RBM39: variants seen among roughly 807,000 people sequenced by gnomAD.
The protein encoded by RBM39 is RNA binding motif protein 39, also known as RNA-binding protein 39.
In RBM39, 12 loss-of-function variants were observed where a neutral mutation model predicts 79.6. The observed-to-expected ratio is 0.15, with a 90% CI of 0.10 to 0.24. The LOEUF (loss-of-function observed/expected upper bound fraction) is 0.24, where lower values mean the gene tolerates loss of function less well. Ranked by LOEUF, RBM39 falls within the 10% of genes least tolerant of loss-of-function variation. The pLI is 1.00. For missense variants in RBM39, 243 were observed against 653.4 expected (o/e 0.37, Z 6.85); for synonymous variants, 185 against 208.4 (o/e 0.89, Z 0.97).
intron 13 of RBM39, chr20:35,707,791 A>T (rs961979479): frequency 2.4e-5 from 8 of 328,238 alleles, no homozygotes; most frequent in Non-Finnish European, 5.0e-5. Flanking sequence ...ACAATAAAAG[A>T]ACACTGAAAA....
At chr20:35,736,013 C>A (rs571835863) in intron 3 of RBM39, among the ~76,000 whole-genome samples, 1 of 152,248 alleles carries the variant, frequency 6.6e-6, no homozygotes, top group East Asian at 1.9e-4. Flanking sequence ...TGGCAAAAAG[C>A]GACATGAGAC....
chr20:35,718,170 C>T (rs1370342450), intron 9 of RBM39, among the ~76,000 whole-genome samples: 1 of 151,864 alleles, frequency 6.6e-6, no homozygotes, highest in Non-Finnish European at 1.5e-5. Context: ...AAGGAACGAA[C>T]TTTTAATGTT....
intron 1 of RBM39, 84 bp from the exon 2 acceptor site, chr20:35,740,971 T>C: frequency 2.4e-6 from 2 of 824,286 alleles, no homozygotes; most frequent in East Asian, 3.4e-5. Flanking sequence ...CTATATCGTC[T>C]AACATTTTCT....
intron 10 of RBM39, 74 bp from the exon 11 acceptor site, chr20:35,714,463 T>G: frequency 7.0e-7 from 1 of 1,431,230 alleles, no homozygotes; most frequent in African/African-American, 1.4e-5. Context: ...TAAAAATATA[T>G]TTATATTTTT....
chr20:35,729,517 T>C lies in RBM39; in HGVS notation c.307A>G (p.Lys103Glu). ...GRYRSPYSGP[K>E]FNSAIRGKIG... ...TTTCCTCGGATGGCACTGTTAAATT[T>C]TGGTCCGGAGCTAAAAAGGAAACAC... Residue 103 changes from lysine to glutamate, a missense_variant, in exon 5 of 17, where the codon AAA (lysine) becomes GAA (glutamate). Coordinates refer to ENST00000253363, the MANE Select transcript of RBM39 (RefSeq NM_184234.3). 6.2e-7 allele frequency: 1 copy of C among 1,614,024 alleles called. No homozygotes were observed. The highest frequency in any genetic ancestry group is 8.5e-7 in the Non-Finnish European group (1 of 1,179,988).
At chr20:35,726,366 C>T (rs1002327284) in intron 6 of RBM39, among the ~76,000 whole-genome samples, 1 of 149,966 alleles carries the variant, frequency 6.7e-6, no homozygotes, top group Non-Finnish European at 1.5e-5. Flanking sequence ...CTCCTGATCT[C>T]GTGATCCACC....
intron 6 of RBM39, among the ~76,000 whole-genome samples, chr20:35,725,699 T>TC (rs2038586773): frequency 6.7e-6 from 1 of 148,202 alleles, no homozygotes; most frequent in Non-Finnish European, 1.5e-5. Flanking sequence ...CTTGTTCTTG[T>TC]CCCCCAGGCT....
intron 12 of RBM39, among the ~76,000 whole-genome samples, chr20:35,711,610 GA>G (rs1340580579): frequency 2.0e-5 from 3 of 152,152 alleles, no homozygotes; most frequent in African/African-American, 7.2e-5. Flanking sequence ...GAAAGGAAAT[GA>G]AACCAAATGC....
chr20:35,718,904 T>C (rs985607074), intron 9 of RBM39, among the ~76,000 whole-genome samples: 1 of 150,434 alleles, frequency 6.6e-6, no homozygotes. Context: ...TGCTTGAACC[T>C]GGGAGGCAGA....
intron 9 of RBM39, among the ~76,000 whole-genome samples, chr20:35,720,566 A>G (rs2037772051): frequency 6.6e-6 from 1 of 151,656 alleles, no homozygotes; most frequent in Non-Finnish European, 1.5e-5. Context: ...GGTCAGGAGT[A>G]TGAGACCAAC....
intron 1 of RBM39, 133 bp downstream of exon 1, chr20:35,741,808 T>C (rs182863640): frequency 1.2e-3 from 181 of 155,750 alleles, no homozygotes; most frequent in Non-Finnish European, 2.1e-3. Context: ...GCGCGGTCAC[T>C]GAAACAGGGC....
At chr20:35,735,996 A>T (rs1018150001) in intron 3 of RBM39, among the ~76,000 whole-genome samples, 3 of 152,202 alleles carry the variant, frequency 2.0e-5, no homozygotes, top group Admixed American at 6.5e-5. Context: ...ACCGGAGATG[A>T]CCTTAGTGGC....
chr20:35,722,766 T>C (rs553145159), intron 8 of RBM39, among the ~76,000 whole-genome samples: 2 of 151,654 alleles, frequency 1.3e-5, no homozygotes, highest in Non-Finnish European at 2.9e-5. Flanking sequence ...ACCCCGTCTC[T>C]ACTAAAAATA....
At chr20:35,718,505 GTC>G (rs1436435406) in intron 9 of RBM39, among the ~76,000 whole-genome samples, 1 of 151,774 alleles carries the variant, frequency 6.6e-6, no homozygotes, top group Non-Finnish European at 1.5e-5. Context: ...GTGAAACCCT[GTC>G]TCTACTAAAA....
At chr20:35,715,367 G>T (rs1446894105) in intron 10 of RBM39, among the ~76,000 whole-genome samples, 1 of 152,112 alleles carries the variant, frequency 6.6e-6, no homozygotes, top group East Asian at 1.9e-4. Context: ...GTAGAGACAA[G>T]GTTGCACCAT....
chr20:35,724,388 C>T (rs188166961), intron 8 of RBM39, among the ~76,000 whole-genome samples, 182 bp downstream of exon 8: 15 of 148,590 alleles, frequency 1.0e-4, no homozygotes, highest in African/African-American at 3.3e-4. Context: ...AACGACAGGA[C>T]GACAGTCTTG....
chr20:35,722,098 G>A (rs1273468508), intron 8 of RBM39, among the ~76,000 whole-genome samples: 2 of 152,074 alleles, frequency 1.3e-5, no homozygotes, highest in Non-Finnish European at 2.9e-5. Flanking sequence ...GGAAATTAGG[G>A]AGTTACAGCT....
chr20:35,704,991 T>C, intron 15 of RBM39: 1 of 586,468 alleles, frequency 1.7e-6, no homozygotes, highest in African/African-American at 1.9e-5. Context: ...GATGCCAAGA[T>C]TTCATGGCAA....
chr20:35,707,883 C>T (rs567306344), intron 13 of RBM39: 10 of 465,878 alleles, frequency 2.1e-5, no homozygotes, highest in Admixed American at 1.9e-4. Flanking sequence ...AAGACAGTTG[C>T]TCCAATGCTT....
Sources: gnomAD v4.1 joint callset for allele counts (sites outside exome capture counted in the v4.1 genomes callset) on GRCh38, gnomAD v4.1.1 for gene constraint, MANE v1.5 for transcripts, NCBI Gene and HGNC (gene_info 2026-07-23, HGNC 2026-07-21) for gene names.